The following GALNT13 variants were observed in gnomAD, a reference collection of about 807,000 sequenced individuals.
GALNT13 encodes the protein polypeptide N-acetylgalactosaminyltransferase 13.
Under a neutral mutation model 64.2 loss-of-function variants are expected in GALNT13, and 28 were observed. The observed-to-expected ratio is 0.44, with a 90% CI of 0.32 to 0.60. GALNT13 has a LOEUF of 0.60. Among genes scored for constraint, GALNT13 ranks in the 20% least tolerant of loss-of-function variants. The pLI, the probability that GALNT13 is intolerant of heterozygous loss-of-function variation, is 0.05. For missense variants in GALNT13, 577 were observed against 669.8 expected (o/e 0.86, Z 1.53); for synonymous variants, 214 against 224.6 (o/e 0.95, Z 0.42).
the GALNT13 span, among the ~76,000 whole-genome samples, chr2:153,153,244 G>A: frequency 3.3e-5 from 5 of 151,924 alleles, no homozygotes; most frequent in Non-Finnish European, 4.4e-5. Context: ...TTTTAATGAG[G>A]TTGTTTGTTT....
At chr2:153,221,309 C>T in the GALNT13 span, among the ~76,000 whole-genome samples, 1 of 152,084 alleles carries the variant, frequency 6.6e-6, no homozygotes, top group East Asian at 1.9e-4. Flanking sequence ...CGTACACACC[C>T]AAATCGATGT....
intron 2 of GALNT13, among the ~76,000 whole-genome samples, chr2:153,942,811 G>T (rs1355502341): frequency 1.3e-5 from 2 of 152,028 alleles, no homozygotes; most frequent in Non-Finnish European, 2.9e-5. Context: ...TGAATTTGTT[G>T]CTAGTTTAGG....
chr2:153,478,526 G>C, the GALNT13 span: 2 of 1,603,746 alleles, frequency 1.2e-6, no homozygotes, highest in South Asian at 2.2e-5. Context: ...GCCAGGAACA[G>C]GCCCGCCACG....
the GALNT13 span, among the ~76,000 whole-genome samples, chr2:153,612,704 C>T: frequency 1.3e-5 from 2 of 151,862 alleles, no homozygotes; most frequent in African/African-American, 4.8e-5. Context: ...AATTAAGTAC[C>T]ATTCAATTAG....
chr2:154,119,967 T>C (rs1681838320), intron 3 of GALNT13, among the ~76,000 whole-genome samples: 1 of 152,232 alleles, frequency 6.6e-6, no homozygotes, highest in South Asian at 2.1e-4. Flanking sequence ...TTATTGTACA[T>C]TTGGAGATGT....
the GALNT13 span, among the ~76,000 whole-genome samples, chr2:153,285,563 T>C: frequency 2.0e-5 from 3 of 152,160 alleles, no homozygotes; most frequent in African/African-American, 4.8e-5. Flanking sequence ...CACGACAATA[T>C]GTAAGATGTA....
chr2:154,224,339 A>T (rs2105828942), intron 4 of GALNT13, among the ~76,000 whole-genome samples: 1 of 152,222 alleles, frequency 6.6e-6, no homozygotes, highest in Admixed American at 6.5e-5. Flanking sequence ...AAAATACTGA[A>T]ACAGAAATCA....
chr2:153,139,202 G>A, the GALNT13 span, among the ~76,000 whole-genome samples: 3 of 151,994 alleles, frequency 2.0e-5, no homozygotes, highest in Admixed American at 2.0e-4. Context: ...TTCTAGAGCC[G>A]TTTCACACAG....
the GALNT13 span, among the ~76,000 whole-genome samples, chr2:153,858,978 C>CTT: frequency 6.6e-6 from 1 of 152,168 alleles, no homozygotes; most frequent in African/African-American, 2.4e-5. Flanking sequence ...AGGTGATCTG[C>CTT]CCGCCTTGGC....
chr2:153,079,900 G>A, the GALNT13 span, among the ~76,000 whole-genome samples: 9 of 152,176 alleles, frequency 5.9e-5, no homozygotes, highest in African/African-American at 2.2e-4. Context: ...GCTAACCCTC[G>A]GGGGCAGTCC....
At chr2:153,580,055 A>G in the GALNT13 span, among the ~76,000 whole-genome samples, 1 of 152,178 alleles carries the variant, frequency 6.6e-6, no homozygotes, top group African/African-American at 2.4e-5. Context: ...CACCTAATCT[A>G]GAGCACCTAA....
intron 2 of GALNT13, among the ~76,000 whole-genome samples, chr2:153,915,584 T>G (rs1297938069): frequency 6.6e-6 from 1 of 152,178 alleles, no homozygotes; most frequent in Non-Finnish European, 1.5e-5. Flanking sequence ...GAAATTTTGT[T>G]CATCTCTTTG....
chr2:154,076,677 G>A (rs537610190), intron 3 of GALNT13, among the ~76,000 whole-genome samples: 9 of 151,670 alleles, frequency 5.9e-5, no homozygotes, highest in African/African-American at 2.2e-4. Flanking sequence ...TGCTAAACTG[G>A]GTGGGATATA....
intron 3 of GALNT13, among the ~76,000 whole-genome samples, chr2:154,107,409 G>C (rs536520814): frequency 6.6e-6 from 1 of 152,020 alleles, no homozygotes; most frequent in Admixed American, 6.6e-5. Flanking sequence ...GGCCAACATG[G>C]TGAAACCTCG....
At chr2:154,191,126 T>C (rs1686553737) in intron 4 of GALNT13, among the ~76,000 whole-genome samples, 1 of 152,224 alleles carries the variant, frequency 6.6e-6, no homozygotes, top group Non-Finnish European at 1.5e-5. Flanking sequence ...TGTGAAATGA[T>C]TGAGAAGAAC....
the GALNT13 span, among the ~76,000 whole-genome samples, chr2:153,648,922 T>TTC: frequency 1.3e-5 from 2 of 152,182 alleles, no homozygotes; most frequent in African/African-American, 4.8e-5. Flanking sequence ...TGGTCTAAAA[T>TTC]TCTCTTTTTT....
intron 2 of GALNT13, among the ~76,000 whole-genome samples, chr2:153,922,713 T>C (rs373795479): frequency 6.6e-6 from 1 of 152,086 alleles, no homozygotes; most frequent in East Asian, 1.9e-4. Flanking sequence ...TTCGCACAGC[T>C]AACTTCTGGT....
chr2:153,604,282 G>T, the GALNT13 span, among the ~76,000 whole-genome samples: 391 of 152,116 alleles, frequency 2.6e-3, 1 homozygote, highest in African/African-American at 8.6e-3. Context: ...TCTTTGAAAG[G>T]GGTGTGAATG....
intron 10 of GALNT13, among the ~76,000 whole-genome samples, chr2:154,402,247 C>T (rs563401032): frequency 1.3e-5 from 2 of 152,138 alleles, no homozygotes; most frequent in African/African-American, 2.4e-5. Context: ...GTGGTGGGGG[C>T]GTGGGCAGTA....
Sources: allele counts gnomAD v4.1 joint callset (sites outside exome capture counted in the v4.1 genomes callset), GRCh38; gene constraint gnomAD v4.1.1; transcripts MANE v1.5; gene names NCBI Gene and HGNC (gene_info 2026-07-23, HGNC 2026-07-21).